CPEB4: variants seen among roughly 807,000 people sequenced by gnomAD.
CPEB4 encodes the protein cytoplasmic polyadenylation element binding protein 4, also known as cytoplasmic polyadenylation element-binding protein 4.
Under a neutral mutation model 72.5 loss-of-function variants are expected in CPEB4, and 12 were observed. That is an observed-to-expected ratio of 0.17 (90% confidence interval 0.11 to 0.27). The LOEUF is 0.27. Among genes scored for constraint, CPEB4 ranks in the 10% least tolerant of loss-of-function variants. The probability of loss-of-function intolerance (pLI) is 1.00; values close to 1 mark genes in which losing one functional copy is unlikely to be tolerated. For synonymous variants in CPEB4, 302 were observed against 326.3 expected (o/e 0.93, Z 0.80); for missense variants, 614 against 908.5 (o/e 0.68, Z 4.17).
chr5:173,942,983 GT>G, intron 3 of CPEB4, 42 bp from the exon 4 acceptor site: 1 of 1,595,264 alleles, frequency 6.3e-7, no homozygotes, highest in Non-Finnish European at 8.5e-7. Flanking sequence ...TTGAAAGGTT[GT>G]TTTGTTTTTT....
intron 4 of CPEB4, 45 bp downstream of exon 4, chr5:173,943,094 A>G (rs889893041): frequency 1.9e-6 from 3 of 1,594,900 alleles, no homozygotes; most frequent in African/African-American, 2.7e-5. Flanking sequence ...GTATTTGGAG[A>G]CGACCCAAGC....
intron 2 of CPEB4, among the ~76,000 whole-genome samples, chr5:173,926,546 A>G (rs1048296327): frequency 6.6e-6 from 1 of 152,162 alleles, no homozygotes; most frequent in African/African-American, 2.4e-5. Context: ...TCTGTTGCCT[A>G]TATTTGGCTA....
At chr5:173,913,572 A>AT (rs1354273238) in intron 2 of CPEB4, among the ~76,000 whole-genome samples, 1 of 152,060 alleles carries the variant, frequency 6.6e-6, no homozygotes, top group Non-Finnish European at 1.5e-5. Context: ...TCTCTATCAG[A>AT]TTTTTTTCTT....
intron 2 of CPEB4, among the ~76,000 whole-genome samples, chr5:173,930,658 G>T (rs527236965): frequency 6.6e-6 from 1 of 152,132 alleles, no homozygotes; most frequent in South Asian, 2.1e-4. Flanking sequence ...TACCAACTTA[G>T]TTTCTTTTAA....
chr5:173,917,928 T>C (rs999045259), intron 2 of CPEB4, among the ~76,000 whole-genome samples: 3 of 152,218 alleles, frequency 2.0e-5, no homozygotes, highest in African/African-American at 7.2e-5. Flanking sequence ...GAAGCCTTCC[T>C]GAACTAGGCT....
Position 173,961,516 on chromosome 5 carries a change from T to A in CPEB4, c.*5379T>A, listed in dbSNP as rs540568547. The A allele has an allele frequency of 3.6e-4, 55 of 152,310 alleles. No individual in the cohort carries two copies. Among genetic ancestry groups the A allele is most frequent in the African/African-American group, 1.3e-3 (53 of 41,560 alleles). 9.4% of individuals were successfully genotyped at this position (152,310 alleles called of 1,614,324 possible). On this transcript the variant is annotated 3_prime_UTR_variant, in exon 10 of 10. Transcript: ENST00000265085. ...GTGTAAGAGGCTTCCTGGGCTATAT[T>A]TCTTCATTCACTGATTGCCTAAACC...
rs1316195077 is a variant in CPEB4 at position 173,958,768 on chromosome 5, A to T, written c.*2631A>T. 1 of 152,690 alleles carries T rather than the reference A, an allele frequency of 6.5e-6. No individual in the cohort carries two copies. Among genetic ancestry groups the T allele is most frequent in the Non-Finnish European group, 1.5e-5 (1 of 68,012 alleles). The allele number at this position is 152,690 out of a possible 1,614,324, so 9.5% of individuals were successfully genotyped here. ...GTCTACAGCTTCTTACTAAGTTTTT[A>T]AAATTATTCATAAAATGCAGACATT... On this transcript the variant is annotated 3_prime_UTR_variant, in exon 10 of 10. Transcript: ENST00000265085.
rs1354034187 is a variant in CPEB4, at chr5:173,959,550, A to G, written c.*3413A>G. 3.3e-5 allele frequency: 5 copies of G among 152,728 alleles called. No homozygotes were observed. The highest frequency in any genetic ancestry group is 7.2e-5 in the African/African-American group (3 of 41,442). 9.5% of individuals were successfully genotyped at this position (152,728 alleles called of 1,614,324 possible). A position where few individuals can be genotyped will look rare whatever the true frequency, so the allele number is the denominator to read the frequency against. On this transcript the variant is annotated 3_prime_UTR_variant, in exon 10 of 10. Coordinates refer to ENST00000265085, the MANE Select transcript of CPEB4 (RefSeq NM_030627.4). ...AAGTTATGTGCAATACTTATTTCAA[A>G]CTTTTGAAAGATCTTTGCAGTGTAA...
In CPEB4 at chr5:173,932,520, C is replaced by G. The variant is rs1757483637; in HGVS notation, c.1258+20C>G. 6.2e-7 allele frequency: 1 copy of G among 1,600,270 alleles called. No homozygotes were observed. Among genetic ancestry groups the G allele is most frequent in the African/African-American group, 1.3e-5 (1 of 74,514 alleles). On this transcript the variant is annotated intron_variant, in intron 3 of 9. Coordinates refer to ENST00000265085, the MANE Select transcript of CPEB4 (RefSeq NM_030627.4). ...TTAATGGTAAGTGATAATTGATTTACCCTAGTGAAGTGCACAAAACTGATA... is the reference window on the plus strand; with the variant it reads ...TTAATGGTAAGTGATAATTGATTTAGCCTAGTGAAGTGCACAAAACTGATA...
chr5:173,957,535 CGT>C lies in CPEB4; in HGVS notation c.*1399_*1400del, dbSNP rs1758417271. ...TAAATAAAATTCTAGCTTTGAAAGGCGTTATGTGTTGAACAGTATGCTTCAGG... is the reference window on the plus strand; with the variant it reads ...TAAATAAAATTCTAGCTTTGAAAGGCTATGTGTTGAACAGTATGCTTCAGG... On this transcript the variant is annotated 3_prime_UTR_variant, in exon 10 of 10. Transcript: ENST00000265085. 6.5e-6 allele frequency: 1 copy of C among 152,690 alleles called. No individual in the cohort carries two copies. Among genetic ancestry groups the C allele is most frequent in the African/African-American group, 2.4e-5 (1 of 41,436 alleles). The allele number at this position is 152,690 out of a possible 1,614,324, so 9.5% of individuals were successfully genotyped here. A position where few individuals can be genotyped will look rare whatever the true frequency, so the allele number is the denominator to read the frequency against.
At chr5:173,938,048 A>T (rs911681652) in intron 3 of CPEB4, among the ~76,000 whole-genome samples, 1 of 152,166 alleles carries the variant, frequency 6.6e-6, no homozygotes, top group Non-Finnish European at 1.5e-5. Flanking sequence ...GGTCTTTGTG[A>T]TGATTGTGTC....
intron 9 of CPEB4, among the ~76,000 whole-genome samples, chr5:173,953,697 AT>A (rs1299319259): frequency 6.8e-6 from 1 of 146,754 alleles, no homozygotes; most frequent in Non-Finnish European, 1.5e-5. Context: ...AGCAAGCCCT[AT>A]TTCTCAATGA....
chr5:173,949,701 A>C, intron 6 of CPEB4, 104 bp downstream of exon 6: 1 of 812,000 alleles, frequency 1.2e-6, no homozygotes, highest in South Asian at 1.7e-5. Context: ...TGCATTGTTA[A>C]ACTTGCATTT....
Position 173,890,217 on chromosome 5 carries a change from G to C in CPEB4, c.484G>C (p.Ala162Pro). The C allele has an allele frequency of 6.2e-7, 1 of 1,614,094 alleles. No homozygotes were observed. The highest frequency in any genetic ancestry group is 8.5e-7 in the Non-Finnish European group (1 of 1,180,012). ...TTCAACCCAACCCTTGACATCTAGC[G>C]CATCGTCTCTTACTGGTTTCAGTAA... ...GTSTQPLTSS[A>P]SSLTGFSNWS... The change falls in exon 1 of 10, where the codon GCA becomes CCA. Residue 162 changes from alanine to proline, a missense_variant. Ala to Pro is a conservative substitution (Grantham distance 27, BLOSUM62 -1). Transcript: ENST00000265085.
chr5:173,958,013 C>A lies in CPEB4; in HGVS notation c.*1876C>A, dbSNP rs187399191. 1 of 152,510 alleles carries A rather than the reference C, an allele frequency of 6.6e-6. No individual in the cohort carries two copies. Among genetic ancestry groups the A allele is most frequent in the Non-Finnish European group, 1.5e-5 (1 of 67,952 alleles). 9.4% of individuals were successfully genotyped at this position (152,510 alleles called of 1,614,324 possible). ...TGTAGCTGGTCAGGGACTTTTTTTT[C>A]TTTTCTCCTGAACTACATGATTCTA... On this transcript the variant is annotated 3_prime_UTR_variant, in exon 10 of 10. Transcript: ENST00000265085.
intron 3 of CPEB4, among the ~76,000 whole-genome samples, chr5:173,940,278 G>A (rs963781937): frequency 6.6e-6 from 1 of 152,144 alleles, no homozygotes; most frequent in Non-Finnish European, 1.5e-5. Context: ...TCTGAGCAGG[G>A]TTAGTTTGGC....
Position 173,910,536 on chromosome 5 carries a change from C to T in CPEB4, c.1139C>T (p.Thr380Ile). The T allele has an allele frequency of 1.2e-6, 2 of 1,613,234 alleles. No individual in the cohort carries two copies. The highest frequency in any genetic ancestry group is 1.7e-6 in the Non-Finnish European group (2 of 1,179,272). ...NIFPFPDRPR[T>I]FDMHSLESSL... The stretch of plus-strand genomic sequence containing the variant: ...TTGTGTCTACAGGATCGCCCCAGGA[C>T]ATTCGACATGCACTCACTGGAGAGT... Residue 380 changes from threonine (T) to isoleucine (I), a missense_variant, in exon 2 of 10, where the codon ACA (threonine) becomes ATA (isoleucine). Thr to Ile is a moderately conservative substitution (Grantham distance 89). This residue lies in a region of CPEB4 where 458 missense variants were observed against 548.6 expected (regional missense o/e 0.83). Transcript: ENST00000265085.
At position 173,889,861 on chromosome 5, in the gene CPEB4, C is replaced by T. The variant is rs1755739722; in HGVS notation, c.128C>T (p.Ala43Val). The T allele has an allele frequency of 6.2e-7, 1 of 1,614,186 alleles. No homozygotes were observed. Residue 43 changes from alanine (A) to valine (V), a missense_variant, in exon 1 of 10, where the codon GCT becomes GTT. Physicochemically the swap from Ala to Val is moderately conservative, Grantham distance 64. Transcript: ENST00000265085. The part of the protein sequence containing the change: ...HHQNATPSPA[A>V]FINNNTAANG... ...CAAAATGCCACCCCCAGCCCTGCTG[C>T]TTTTATAAATAATAACACAGCTGCC... is the stretch of plus-strand genomic sequence containing the variant.
intron 3 of CPEB4, among the ~76,000 whole-genome samples, chr5:173,933,641 A>ATATATATACATGC (rs1757519938): frequency 6.6e-6 from 1 of 152,210 alleles, no homozygotes; most frequent in African/African-American, 2.4e-5. Flanking sequence ...AGGAGAACAT[A>ATATATATACATGC]AGGGATATAT....
Sources: gnomAD v4.1 joint callset for allele counts (sites outside exome capture counted in the v4.1 genomes callset) on GRCh38, gnomAD v4.1.1 for gene constraint, gnomAD v4.1.1 regional missense constraint, MANE v1.5 for transcripts, NCBI Gene and HGNC (gene_info 2026-07-23, HGNC 2026-07-21) for gene names.